MAP2: variants seen among roughly 807,000 people sequenced by gnomAD.
MAP2 encodes microtubule-associated protein 2.
Under a neutral mutation model 137.6 loss-of-function variants are expected in MAP2, and 14 were observed. The ratio of observed to expected loss-of-function variants is 0.10; its 90% CI spans 0.07 to 0.16. The LOEUF is 0.16. Ranked by LOEUF, MAP2 falls within the 10% of genes least tolerant of loss-of-function variation. The probability of loss-of-function intolerance (pLI) is 1.00; values close to 1 mark genes in which losing one functional copy is unlikely to be tolerated. For missense variants in MAP2, 2,088 were observed against 2,191.5 expected (o/e 0.95, Z 0.94); for synonymous variants, 786 against 782.3 (o/e 1.00, Z -0.08).
intron 5 of MAP2, among the ~76,000 whole-genome samples, chr2:209,660,925 T>C (rs2043280765): frequency 1.4e-5 from 2 of 148,002 alleles, no homozygotes; most frequent in East Asian, 2.0e-4. Context: ...TTTTTTTTTT[T>C]AGTAGAGACA....
chr2:209,654,907 A>G (rs1242656440), intron 5 of MAP2, among the ~76,000 whole-genome samples: 1 of 152,222 alleles, frequency 6.6e-6, no homozygotes, highest in Non-Finnish European at 1.5e-5. Flanking sequence ...TAATGATGAA[A>G]ACAATTGAAA....
chr2:209,704,552 A>G (rs1211382129), intron 11 of MAP2: 1 of 1,612,788 alleles, frequency 6.2e-7, no homozygotes, highest in East Asian at 2.2e-5. Context: ...ATTTTCTGAC[A>G]GTTTATTAAT....
At chr2:209,552,735 C>T (rs1328743641) in intron 2 of MAP2, among the ~76,000 whole-genome samples, 2 of 151,910 alleles carry the variant, frequency 1.3e-5, no homozygotes, top group Non-Finnish European at 2.9e-5. Context: ...GTGGCACGCA[C>T]CTGTAGTCCC....
chr2:209,481,448 C>G (rs1708754114), intron 1 of MAP2, among the ~76,000 whole-genome samples: 1 of 152,166 alleles, frequency 6.6e-6, no homozygotes, highest in Non-Finnish European at 1.5e-5. Context: ...TGATGGGGGA[C>G]TGGGCGGTAC....
chr2:209,432,448 G>T lies in MAP2; in HGVS notation c.-222+8172G>T, dbSNP rs545682567. 5.9e-5 allele frequency among the ~76,000 whole-genome samples: 9 copies of T among 152,236 alleles called. No individual in the cohort carries two copies. In the Middle Eastern group the frequency reaches 0.017, roughly 288 times the overall value. On this transcript the variant is annotated intron_variant, in intron 1 of 15. Coordinates refer to ENST00000682079, the MANE Select transcript of MAP2 (RefSeq NM_001375505.1). ...GCACCCATGCTGCTTAAGCGTTATG[G>T]AATCTTTAGTTGACAAATACTTGAA...
intron 2 of MAP2, among the ~76,000 whole-genome samples, chr2:209,554,816 G>A (rs1160185092): frequency 6.7e-6 from 1 of 150,136 alleles, no homozygotes; most frequent in African/African-American, 2.4e-5. Context: ...GATTCATTTC[G>A]GTAGCAGGTA....
chr2:209,424,749 A>G (rs909434935), intron 1 of MAP2, among the ~76,000 whole-genome samples: 1 of 152,190 alleles, frequency 6.6e-6, no homozygotes, highest in African/African-American at 2.4e-5. Context: ...GTCCATTTCA[A>G]ATCATGTTTC....
chr2:209,458,265 A>G (rs1702003516), intron 1 of MAP2, among the ~76,000 whole-genome samples: 1 of 152,170 alleles, frequency 6.6e-6, no homozygotes, highest in Admixed American at 6.5e-5. Context: ...TATCCAGAGC[A>G]GGCAACACAG....
At position 209,705,591 on chromosome 2, in the gene MAP2, C is replaced by T. The variant is rs2063167346; in HGVS notation, c.4596C>T (p.Thr1532=). ...QAKDKVSDGV[T]KSPEKRSSLP... is the part of the protein sequence containing the mutation. ...TTTTCTCCAATCAGGACGGAGTAAC[C>T]AAGAGCCCAGAAAAGCGCTCTTCTC... The change falls in exon 12 of 16, where the codon ACC becomes ACT. Residue 1532 remains threonine (T), a synonymous_variant. Transcript: ENST00000682079. The T allele has an allele frequency of 1.9e-6, 3 of 1,610,516 alleles. No individual in the cohort carries two copies. The highest frequency in any genetic ancestry group is 1.1e-5 in the South Asian group (1 of 90,716).
chr2:209,717,522 A>G (rs749553569), intron 13 of MAP2, among the ~76,000 whole-genome samples: 3 of 152,108 alleles, frequency 2.0e-5, no homozygotes, highest in African/African-American at 4.8e-5. Flanking sequence ...TTTACCTTCA[A>G]TTTTATATTT....
At chr2:209,444,439 G>T (rs1000981927) in intron 1 of MAP2, among the ~76,000 whole-genome samples, 1 of 151,550 alleles carries the variant, frequency 6.6e-6, no homozygotes, top group African/African-American at 2.4e-5. Flanking sequence ...AAGTACGTGA[G>T]ACTGTCGGCT....
intron 2 of MAP2, among the ~76,000 whole-genome samples, chr2:209,551,189 A>C (rs1386725840): frequency 3.9e-5 from 6 of 152,170 alleles, no homozygotes; most frequent in Non-Finnish European, 8.8e-5. Flanking sequence ...GCTATATTTA[A>C]GCCTACAAAA....
chr2:209,703,242 T>A (rs1002379808), intron 11 of MAP2, among the ~76,000 whole-genome samples: 2 of 152,144 alleles, frequency 1.3e-5, no homozygotes, highest in Non-Finnish European at 1.5e-5. Context: ...AATGAACAAA[T>A]TATATATAAA....
At chr2:209,579,905 G>A (rs1349449147) in intron 2 of MAP2, 131 bp from the exon 3 acceptor site, 1 of 151,644 alleles carries the variant, frequency 6.6e-6, no homozygotes, top group Non-Finnish European at 1.5e-5. Context: ...TTGTGCTACA[G>A]ACCTCCAGGC....
At chr2:209,628,118 G>A (rs2092591927) in intron 4 of MAP2, among the ~76,000 whole-genome samples, 1 of 152,144 alleles carries the variant, frequency 6.6e-6, no homozygotes, top group Non-Finnish European at 1.5e-5. Context: ...TGTAATCCCA[G>A]CACTTTGGGA....
rs2076067104 is a variant in MAP2 at position 209,580,108 on chromosome 2, A to G, written c.-107+8A>G. The G allele has an allele frequency of 6.6e-6, 1 of 151,972 alleles. No individual in the cohort carries two copies. Among genetic ancestry groups the G allele is most frequent in the African/African-American group, 2.4e-5 (1 of 41,406 alleles). The allele number at this position is 151,972 out of a possible 1,614,324, so 9.4% of individuals were successfully genotyped here. ...CATTCAGAAAATTAAAAGGTACCACATGTTTTGTTTGGATGTTTTAATGAG... is the reference window on the plus strand; with the variant it reads ...CATTCAGAAAATTAAAAGGTACCACGTGTTTTGTTTGGATGTTTTAATGAG... On this transcript the variant is annotated splice_region_variant and intron_variant, in intron 3 of 15. Transcript: ENST00000682079.
intron 3 of MAP2, among the ~76,000 whole-genome samples, chr2:209,621,844 G>A (rs900435445): frequency 1.3e-5 from 2 of 152,130 alleles, no homozygotes; most frequent in South Asian, 4.1e-4. Context: ...TATGAGAACA[G>A]CCAAACATAT....
At chr2:209,527,621 A>T (rs1163040242) in intron 2 of MAP2, among the ~76,000 whole-genome samples, 1 of 152,170 alleles carries the variant, frequency 6.6e-6, no homozygotes, top group Non-Finnish European at 1.5e-5. Context: ...GCTTAGTGTG[A>T]CACCATGTGT....
intron 4 of MAP2, among the ~76,000 whole-genome samples, chr2:209,639,389 A>C (rs1222403856): frequency 6.6e-6 from 1 of 152,116 alleles, no homozygotes; most frequent in African/African-American, 2.4e-5. Context: ...TTTGAGGATT[A>C]GGTTTTGTTT....
Sources: gnomAD v4.1 joint callset for allele counts (sites outside exome capture counted in the v4.1 genomes callset) on GRCh38, gnomAD v4.1.1 for gene constraint, MANE v1.5 for transcripts, NCBI Gene and HGNC (gene_info 2026-07-23, HGNC 2026-07-21) for gene names.